Variants in SLC2A13 observed in about 807,000 individuals in gnomAD.
The protein encoded by SLC2A13 is proton myo-inositol cotransporter.
In SLC2A13, 32 loss-of-function variants were observed where a neutral mutation model predicts 64.4. The observed-to-expected ratio is 0.50, with a 90% CI of 0.37 to 0.67. The LOEUF (loss-of-function observed/expected upper bound fraction) is 0.67, where lower values mean the gene tolerates loss of function less well. Ranked by LOEUF, SLC2A13 falls within the 30% of genes least tolerant of loss-of-function variation. SLC2A13 has a pLI of 0.00. For missense variants in SLC2A13, 743 were observed against 829.2 expected (o/e 0.90, Z 1.28); for synonymous variants, 338 against 327.1 (o/e 1.03, Z -0.36).
chr12:39,837,811 G>T (rs929193765), intron 6 of SLC2A13, among the ~76,000 whole-genome samples: 30 of 152,112 alleles, frequency 2.0e-4, no homozygotes, highest in African/African-American at 6.8e-4. Flanking sequence ...ACACCAGTTA[G>T]AATGGCAATC....
At chr12:39,930,120 G>A (rs2896826) in intron 4 of SLC2A13, among the ~76,000 whole-genome samples, 36,190 of 146,456 alleles carry the variant, frequency 0.25, 4,683 homozygotes, top group East Asian at 0.48. Context: ...GACAGAGTGA[G>A]ACTTCGTCTC....
At chr12:39,841,883 C>G (rs1473643057) in intron 6 of SLC2A13, among the ~76,000 whole-genome samples, 1 of 152,022 alleles carries the variant, frequency 6.6e-6, no homozygotes, top group Non-Finnish European at 1.5e-5. Flanking sequence ...GTATTTGTAG[C>G]TATGAAGATT....
chr12:39,833,918 CT>C, intron 6 of SLC2A13, among the ~76,000 whole-genome samples: 1 of 149,316 alleles, frequency 6.7e-6, no homozygotes, highest in Non-Finnish European at 1.5e-5. Context: ...AAAAAAATCT[CT>C]GACCTACATC....
chr12:39,772,621 G>A (rs531166559), intron 7 of SLC2A13, among the ~76,000 whole-genome samples: 1 of 152,062 alleles, frequency 6.6e-6, no homozygotes, highest in East Asian at 1.9e-4. Context: ...AAGAGAAGAA[G>A]AAAGAAAAAA....
chr12:39,951,453 T>A (rs73092276), intron 3 of SLC2A13, 88 bp from the exon 4 acceptor site: 17,417 of 1,015,924 alleles, frequency 0.017, 194 homozygotes, highest in Middle Eastern at 0.027. Context: ...TTTTCCTAAA[T>A]CTTCATGAAA....
intron 6 of SLC2A13, among the ~76,000 whole-genome samples, chr12:39,837,261 T>C: frequency 6.6e-6 from 1 of 150,666 alleles, no homozygotes; most frequent in East Asian, 2.0e-4. Context: ...ATTTAATAAA[T>C]GGTGCTGGGA....
chr12:39,934,190 G>C (rs528593136), intron 4 of SLC2A13, among the ~76,000 whole-genome samples: 1 of 152,006 alleles, frequency 6.6e-6, no homozygotes, highest in Admixed American at 6.6e-5. Flanking sequence ...TGAAATGAAG[G>C]TCTTGGGGAT....
At chr12:40,054,606 A>C (rs1948307740) in intron 1 of SLC2A13, among the ~76,000 whole-genome samples, 1 of 152,232 alleles carries the variant, frequency 6.6e-6, no homozygotes, top group African/African-American at 2.4e-5. Context: ...TGGCTTGAGA[A>C]GTTTCACCAG....
intron 3 of SLC2A13, among the ~76,000 whole-genome samples, chr12:40,015,959 G>A (rs1947614004): frequency 6.6e-6 from 1 of 151,974 alleles, no homozygotes; most frequent in Non-Finnish European, 1.5e-5. Context: ...ATGACACATC[G>A]TAAATATTCA....
chr12:39,772,923 G>T (rs1940636671), intron 7 of SLC2A13, among the ~76,000 whole-genome samples: 1 of 152,148 alleles, frequency 6.6e-6, no homozygotes, highest in Admixed American at 6.5e-5. Context: ...TAACTTGGCA[G>T]AGTTACATAC....
intron 1 of SLC2A13, among the ~76,000 whole-genome samples, chr12:40,070,385 G>A (rs1223347306): frequency 3.3e-5 from 5 of 152,154 alleles, no homozygotes; most frequent in Admixed American, 3.3e-4. Flanking sequence ...CCATAAAGGT[G>A]TCAGATCCTT....
intron 1 of SLC2A13, among the ~76,000 whole-genome samples, chr12:40,074,431 CA>C (rs1938087028): frequency 6.6e-6 from 1 of 152,048 alleles, no homozygotes; most frequent in Non-Finnish European, 1.5e-5. Flanking sequence ...CCTCCCATAG[CA>C]TTGGGATTAC....
intron 1 of SLC2A13, among the ~76,000 whole-genome samples, chr12:40,094,711 A>C (rs1389499932): frequency 6.6e-6 from 1 of 152,222 alleles, no homozygotes; most frequent in African/African-American, 2.4e-5. Flanking sequence ...TTTTATGTAA[A>C]ATAAAGGAGA....
intron 7 of SLC2A13, among the ~76,000 whole-genome samples, chr12:39,803,956 A>G (rs777462496): frequency 1.3e-5 from 2 of 152,176 alleles, no homozygotes; most frequent in African/African-American, 2.4e-5. Flanking sequence ...TACAGAATTA[A>G]AAAAACAACA....
chr12:40,026,509 C>G (rs1947809995), intron 3 of SLC2A13, among the ~76,000 whole-genome samples: 1 of 152,090 alleles, frequency 6.6e-6, no homozygotes, highest in Non-Finnish European at 1.5e-5. Context: ...GTCTAAAACT[C>G]AAATAGGATA....
At chr12:39,839,340 A>G (rs1207013128) in intron 6 of SLC2A13, among the ~76,000 whole-genome samples, 1 of 152,000 alleles carries the variant, frequency 6.6e-6, no homozygotes, top group Non-Finnish European at 1.5e-5. Context: ...CTGTTTAACC[A>G]TGTAAGTAGG....
At chr12:39,968,305 C>T (rs1946562494) in intron 3 of SLC2A13, among the ~76,000 whole-genome samples, 1 of 152,172 alleles carries the variant, frequency 6.6e-6, no homozygotes, top group South Asian at 2.1e-4. Flanking sequence ...CTCATGAAAA[C>T]TCACTGACTA....
At chr12:39,842,012 G>A (rs1157837745) in intron 6 of SLC2A13, among the ~76,000 whole-genome samples, 1 of 152,038 alleles carries the variant, frequency 6.6e-6, no homozygotes, top group African/African-American at 2.4e-5. Flanking sequence ...GGCATCATGA[G>A]GGAGGCTTTT....
chr12:40,086,763 T>C (rs1938600338), intron 1 of SLC2A13, among the ~76,000 whole-genome samples: 1 of 152,232 alleles, frequency 6.6e-6, no homozygotes, highest in African/African-American at 2.4e-5. Flanking sequence ...AGTGCGATTA[T>C]GTGTTGCCTC....
Sources: gnomAD v4.1 joint callset for allele counts (sites outside exome capture counted in the v4.1 genomes callset) on GRCh38, gnomAD v4.1.1 for gene constraint, MANE v1.5 for transcripts, NCBI Gene and HGNC (gene_info 2026-07-23, HGNC 2026-07-21) for gene names.